Variants in LDHC observed in about 807,000 individuals in gnomAD.
The protein encoded by LDHC is L-lactate dehydrogenase C chain.
LDHC carries 20 observed loss-of-function variants against 30.2 expected under a neutral mutation model. The observed-to-expected ratio is 0.66, with a 90% confidence interval of 0.47 to 0.96. LDHC has a LOEUF of 0.96. Ranked by LOEUF, LDHC falls within the 40% of genes least tolerant of loss-of-function variation. LDHC has a pLI of 0.00. For missense variants in LDHC, 362 were observed against 394.9 expected, an observed-to-expected ratio of 0.92 and a Z score of 0.71; for synonymous variants, 139 against 132.7, an observed-to-expected ratio of 1.05 and a Z score of -0.32.
In LDHC at chr11:18,434,817, G is replaced by A; in HGVS notation, c.496G>A (p.Asp166Asn). Residue 166 changes from aspartate to asparagine, a missense_variant, in exon 5 of 8, where the codon GAC becomes AAC. By Grantham distance (23) the Asp-to-Asn change is conservative. Transcript: ENST00000541669. ...TGTAATTGGAAGTGGTTGTAATCTA[G>A]ACTCTGCCCGTTTCCGTTACCTAAT... ...TRVIGSGCNL[D>N]SARFRYLIGE... 4 of 1,611,432 alleles carry A rather than the reference G, an allele frequency of 2.5e-6. No individual in the cohort carries two copies. Among genetic ancestry groups the A allele is most frequent in the Non-Finnish European group, 3.4e-6 (4 of 1,177,558 alleles).
intron 2 of LDHC, 84 bp downstream of exon 2, chr11:18,412,927 G>T (rs1866920639): frequency 7.7e-7 from 1 of 1,304,168 alleles, no homozygotes. Context: ...GGGTTGCAAG[G>T]TTAATCCCTT....
chr11:18,450,847 T>G, intron 7 of LDHC, 116 bp from the exon 8 acceptor site: 1 of 703,278 alleles, frequency 1.4e-6, no homozygotes, highest in Non-Finnish European at 2.3e-6. Flanking sequence ...TGCCACCCTC[T>G]GAGCGATTCT....
intron 5 of LDHC, among the ~76,000 whole-genome samples, chr11:18,437,527 C>T (rs1331040261): frequency 2.6e-5 from 4 of 151,580 alleles, no homozygotes; most frequent in Non-Finnish European, 4.4e-5. Flanking sequence ...CTGAGGTGGA[C>T]GGATCACGAG....
At chr11:18,444,872 A>G (rs903446650) in intron 6 of LDHC, among the ~76,000 whole-genome samples, 8 of 151,948 alleles carry the variant, frequency 5.3e-5, no homozygotes, top group African/African-American at 1.4e-4. Flanking sequence ...CAATGCAAAT[A>G]TATAATAAAT....
At chr11:18,414,861 C>A (rs1866977515) in intron 2 of LDHC, among the ~76,000 whole-genome samples, 2 of 151,720 alleles carry the variant, frequency 1.3e-5, no homozygotes, top group African/African-American at 2.4e-5. Flanking sequence ...AAAATAAAGG[C>A]TAAATATAAT....
chr11:18,450,757 C>T lies in LDHC; in HGVS notation c.835-206C>T, dbSNP rs1848641942. ...TCTGGGTCCTTCTAAAGGCCTCTGG[C>T]ATCTTCTTCATGTCACTGAATGTAA... On this transcript the variant is annotated intron_variant, in intron 7 of 7. Transcript: ENST00000541669. 10 of 447,566 alleles carry T rather than the reference C, an allele frequency of 2.2e-5. No individual in the cohort carries two copies. In the East Asian group the frequency reaches 3.7e-4, roughly 17 times the overall value. 27.7% of individuals were successfully genotyped at this position (447,566 alleles called of 1,614,324 possible).
At position 18,446,317 on chromosome 11, in the gene LDHC, T is replaced by C. The variant is rs144032917; in HGVS notation, c.818T>C (p.Val273Ala). The C allele has an allele frequency of 3.7e-6, 6 of 1,606,208 alleles. No homozygotes were observed. The African/African-American group carries it at 8.0e-5, about 22-fold the overall frequency. Residue 273 changes from valine to alanine, a missense_variant, in exon 7 of 8, where the codon GTT (valine) becomes GCT (alanine). Physicochemically the swap from Val to Ala is moderately conservative, Grantham distance 64. Transcript: ENST00000541669. ...ILKNLRRVHP[V>A]STMVKGLYGI... ...AAAAATCTTAGGAGAGTGCACCCAG[T>C]TTCCACCATGGTTAAGGTAGGCTTA... is the stretch of plus-strand genomic sequence containing the variant.
At position 18,445,192 on chromosome 11, in the gene LDHC, AT is replaced by A. The variant is rs112115655; in HGVS notation, c.711-1004del. Among the ~76,000 whole-genome samples, 895 of 145,522 alleles carry A rather than the reference AT, an allele frequency of 6.2e-3. 5 individuals carry two copies. The highest frequency in any genetic ancestry group is 8.0e-3 in the Non-Finnish European group (524 of 65,742). ...AATTTACATTGGCAAGCTAGTAACA[AT>A]TTTTTTTTTTTTTGAGACGGAGTCT... is the stretch of plus-strand genomic sequence containing the variant. On this transcript the variant is annotated intron_variant, in intron 6 of 7. Coordinates refer to ENST00000541669, the MANE Select transcript of LDHC (RefSeq NM_017448.5).
At chr11:18,450,709 A>G (rs1186083428) in intron 7 of LDHC, 6 of 313,188 alleles carry the variant, frequency 1.9e-5, no homozygotes, top group East Asian at 1.3e-4. Flanking sequence ...TGACCTGGTA[A>G]GGGATAAGGT....
intron 7 of LDHC, among the ~76,000 whole-genome samples, chr11:18,448,665 CACTT>C (rs1171856197): frequency 6.6e-6 from 1 of 152,034 alleles, no homozygotes; most frequent in Non-Finnish European, 1.5e-5. Context: ...CTTTCTTTCC[CACTT>C]ACTTCACTTT....
chr11:18,451,032 G>A lies in LDHC; in HGVS notation c.904G>A (p.Asp302Asn). ...PCVLGRNGVS[D>N]VVKINLNSEE... ...TGTCTTGGGGCGGAATGGTGTCTCA[G>A]ATGTTGTGAAAATTAACTTGAATTC... Residue 302 changes from aspartate to asparagine, a missense_variant, in exon 8 of 8, where the codon GAT becomes AAT. Coordinates refer to ENST00000541669, the MANE Select transcript of LDHC (RefSeq NM_017448.5). 1 of 1,594,850 alleles carries A rather than the reference G, an allele frequency of 6.3e-7. No individual in the cohort carries two copies. Among genetic ancestry groups the A allele is most frequent in the Non-Finnish European group, 8.5e-7 (1 of 1,173,052 alleles).
chr11:18,421,708 TA>T (rs1216325862), intron 3 of LDHC, among the ~76,000 whole-genome samples: 3 of 151,548 alleles, frequency 2.0e-5, no homozygotes, highest in Non-Finnish European at 4.4e-5. Context: ...GGGATCTCGC[TA>T]TGTTGCCCAG....
chr11:18,447,187 G>A (rs1448232518), intron 7 of LDHC, among the ~76,000 whole-genome samples: 1 of 149,596 alleles, frequency 6.7e-6, no homozygotes, highest in Admixed American at 6.7e-5. Flanking sequence ...AGGCTGGAGT[G>A]CAGTCATGCG....
chr11:18,440,331 A>G (rs75487138), intron 6 of LDHC, among the ~76,000 whole-genome samples: 20,430 of 151,900 alleles, frequency 0.13, 1,458 homozygotes, highest in Middle Eastern at 0.2. Context: ...CAAACAAATA[A>G]ATAAATAAAA....
chr11:18,421,736 T>C (rs754113880), intron 3 of LDHC, among the ~76,000 whole-genome samples: 2 of 152,038 alleles, frequency 1.3e-5, no homozygotes, highest in Non-Finnish European at 2.9e-5. Context: ...CTCAAACTCC[T>C]GGGCCCAAAT....
At chr11:18,434,217 ATT>A (rs60806253) in intron 4 of LDHC, among the ~76,000 whole-genome samples, 1,806 of 146,094 alleles carry the variant, frequency 0.012, 42 homozygotes, top group African/African-American at 0.043. Context: ...TTCTTGTATC[ATT>A]TTTTTTTTTT....
chr11:18,447,852 C>A (rs1417667063), intron 7 of LDHC, among the ~76,000 whole-genome samples: 1 of 152,006 alleles, frequency 6.6e-6, no homozygotes, highest in Non-Finnish European at 1.5e-5. Flanking sequence ...GAGTTTGAGA[C>A]CAGCTGGTCA....
chr11:18,415,724 G>C, intron 3 of LDHC, among the ~76,000 whole-genome samples: 1 of 151,468 alleles, frequency 6.6e-6, no homozygotes, highest in Non-Finnish European at 1.5e-5. Flanking sequence ...ATGGAGTCTC[G>C]CTCTGTTGCC....
chr11:18,439,699 G>T (rs189784424), intron 6 of LDHC, among the ~76,000 whole-genome samples: 22 of 150,182 alleles, frequency 1.5e-4, no homozygotes, highest in African/African-American at 5.4e-4. Flanking sequence ...AAGAGGCCAG[G>T]CATGGTGGCT....
Sources: allele counts gnomAD v4.1 joint callset (sites outside exome capture counted in the v4.1 genomes callset), GRCh38; gene constraint gnomAD v4.1.1; transcripts MANE v1.5; gene names NCBI Gene and HGNC (gene_info 2026-07-23, HGNC 2026-07-21).